The following RAB10 variants were observed in gnomAD, a reference collection of about 807,000 sequenced individuals.
RAB10 encodes ras-related protein Rab-10.
RAB10 carries 5 observed loss-of-function variants against 25.7 expected under a neutral mutation model. The ratio of observed to expected loss-of-function variants is 0.19; its 90% CI spans 0.10 to 0.41. The LOEUF is 0.41. Ranked by LOEUF, RAB10 falls within the 10% of genes least tolerant of loss-of-function variation. The pLI is 1.00. For missense variants in RAB10, 103 were observed against 245.8 expected (o/e 0.42, Z 3.89); for synonymous variants, 89 against 86.4 (o/e 1.03, Z -0.16).
At chr2:26,033,830 G>A (rs1418706194), upstream of RAB10, among the ~76,000 whole-genome samples, 2 of 152,212 alleles carry the variant, frequency 1.3e-5, no homozygotes, top group African/African-American at 4.8e-5. Flanking sequence ...CTGCGCAGTC[G>A]CTAGGTAGCG....
At chr2:26,055,864 T>C (rs1254461568) in intron 1 of RAB10, among the ~76,000 whole-genome samples, 4 of 151,990 alleles carry the variant, frequency 2.6e-5, no homozygotes, top group Non-Finnish European at 5.9e-5. Flanking sequence ...TACATAGTTA[T>C]TGTTGATGTA....
At chr2:26,109,742 T>C (rs1482372684) in intron 2 of RAB10, 26 bp from the exon 3 acceptor site, 3 of 1,529,258 alleles carry the variant, frequency 2.0e-6, no homozygotes, top group African/African-American at 2.8e-5. Flanking sequence ...AAATGCTTAA[T>C]AGAAATTATT....
At chr2:26,090,039 A>G (rs1667070394) in intron 1 of RAB10, among the ~76,000 whole-genome samples, 1 of 152,168 alleles carries the variant, frequency 6.6e-6, no homozygotes, top group South Asian at 2.1e-4. Flanking sequence ...CTCCCAGGAA[A>G]AATCCCCCCT....
chr2:26,065,765 G>A (rs1666500497), intron 1 of RAB10, among the ~76,000 whole-genome samples: 1 of 152,098 alleles, frequency 6.6e-6, no homozygotes, highest in Non-Finnish European at 1.5e-5. Flanking sequence ...CTTGATCACA[G>A]ATTTTATAGT....
At chr2:26,035,724 T>G (rs1665751042) in intron 1 of RAB10, among the ~76,000 whole-genome samples, 1 of 152,318 alleles carries the variant, frequency 6.6e-6, no homozygotes, top group Non-Finnish European at 1.5e-5. Flanking sequence ...GTTGAACCCA[T>G]TTTTAAATGT....
Position 26,135,223 on chromosome 2 carries a change from GA to G in RAB10, c.*207del. On this transcript the variant is annotated 3_prime_UTR_variant, in exon 6 of 6. Coordinates refer to ENST00000264710, the MANE Select transcript of RAB10 (RefSeq NM_016131.5). ...TTTTCTTCAAACAAAAAAATGTATAGAAAAATCATGTCTGTGAGTTCATTTT... is the reference window on the plus strand; with the variant it reads ...TTTTCTTCAAACAAAAAAATGTATAGAAAATCATGTCTGTGAGTTCATTTT... 1 of 494,062 alleles carries G rather than the reference GA, an allele frequency of 2.0e-6. No homozygotes were observed. The highest frequency in any genetic ancestry group is 3.6e-6 in the Non-Finnish European group (1 of 279,902). The allele number at this position is 494,062 out of a possible 1,614,324, so 30.6% of individuals were successfully genotyped here.
intron 1 of RAB10, among the ~76,000 whole-genome samples, chr2:26,054,490 G>A (rs772397558): frequency 1.3e-5 from 2 of 152,168 alleles, no homozygotes; most frequent in African/African-American, 4.8e-5. Flanking sequence ...ACACGTGGCC[G>A]GATAGGGGTG....
chr2:26,092,823 G>A (rs572028704), intron 1 of RAB10, among the ~76,000 whole-genome samples: 53 of 152,270 alleles, frequency 3.5e-4, no homozygotes, highest in African/African-American at 1.2e-3. Context: ...AGACAGCCGG[G>A]TCATTTTAGG....
At chr2:26,071,136 G>GC (rs1666617711) in intron 1 of RAB10, among the ~76,000 whole-genome samples, 1 of 152,124 alleles carries the variant, frequency 6.6e-6, no homozygotes, top group African/African-American at 2.4e-5. Context: ...TGACCTTTGA[G>GC]CATATATCTT....
chr2:26,036,065 A>C (rs943055905), intron 1 of RAB10, among the ~76,000 whole-genome samples: 2 of 152,196 alleles, frequency 1.3e-5, no homozygotes, highest in African/African-American at 4.8e-5. Flanking sequence ...TGTGGGTTAG[A>C]GAATACTAGC....
intron 5 of RAB10, among the ~76,000 whole-genome samples, chr2:26,133,897 C>T (rs1668056128): frequency 1.3e-5 from 2 of 152,170 alleles, no homozygotes; most frequent in Admixed American, 1.3e-4. Flanking sequence ...TGGTCTCGAA[C>T]TCCTGACCTC....
intron 1 of RAB10, among the ~76,000 whole-genome samples, chr2:26,088,855 C>A (rs1411877791): frequency 2.0e-5 from 3 of 151,894 alleles, no homozygotes; most frequent in Non-Finnish European, 4.4e-5. Context: ...GAACTCCTGA[C>A]CTCGTGATCC....
At chr2:26,103,989 AATGGACC>A (rs993304275) in intron 2 of RAB10, among the ~76,000 whole-genome samples, 24 of 152,252 alleles carry the variant, frequency 1.6e-4, no homozygotes, top group African/African-American at 5.8e-4. Flanking sequence ...GTTCATTAGT[AATGGACC>A]TTTCAGTTGT....
chr2:26,095,311 A>G (rs1667188307), intron 1 of RAB10, among the ~76,000 whole-genome samples: 2 of 152,174 alleles, frequency 1.3e-5, no homozygotes, highest in Admixed American at 6.5e-5. Context: ...TATGGCTGTT[A>G]AAAATGCAAG....
chr2:26,062,703 TAAAGG>T (rs1355537505), intron 1 of RAB10, among the ~76,000 whole-genome samples: 6 of 150,714 alleles, frequency 4.0e-5, no homozygotes, highest in East Asian at 3.9e-4. Context: ...AATAAATAAA[TAAAGG>T]AAAGGAAAAA....
intron 1 of RAB10, among the ~76,000 whole-genome samples, chr2:26,092,300 TGTGTGTGTGTGTGTGTGTGTG>T (rs1559590817): frequency 4.6e-4 from 63 of 136,236 alleles, no homozygotes; most frequent in Middle Eastern, 3.7e-3. Flanking sequence ...TGTGTGTGTG[TGTGTGTGTGTGTGTGTGTGTG>T]TTGGGGTGGT....
At chr2:26,074,457 C>T (rs1484398302) in intron 1 of RAB10, among the ~76,000 whole-genome samples, 2 of 152,068 alleles carry the variant, frequency 1.3e-5, no homozygotes, top group Admixed American at 6.6e-5. Flanking sequence ...TCACTCTTGT[C>T]GCTCAGGCTG....
chr2:26,077,904 G>C (rs116828723), intron 1 of RAB10, among the ~76,000 whole-genome samples: 2 of 152,086 alleles, frequency 1.3e-5, no homozygotes, highest in African/African-American at 4.8e-5. Flanking sequence ...ACTTGGTCCC[G>C]GGAGGCGGGG....
chr2:26,118,431 CA>C (rs1667737602), intron 3 of RAB10, among the ~76,000 whole-genome samples: 1 of 137,398 alleles, frequency 7.3e-6, no homozygotes, highest in African/African-American at 2.7e-5. Flanking sequence ...TAAAAAAAAA[CA>C]AAGGCCGGGG....
Sources: gnomAD v4.1 joint callset for allele counts (sites outside exome capture counted in the v4.1 genomes callset) on GRCh38, gnomAD v4.1.1 for gene constraint, MANE v1.5 for transcripts, NCBI Gene and HGNC (gene_info 2026-07-23, HGNC 2026-07-21) for gene names.